The following SEPTIN7 variants were observed in gnomAD, a reference collection of about 807,000 sequenced individuals.
The protein encoded by SEPTIN7 is septin 7.
Under a neutral mutation model 63.3 loss-of-function variants are expected in SEPTIN7, and 10 were observed. That is an observed-to-expected ratio of 0.16 (90% CI 0.10 to 0.27). The LOEUF (loss-of-function observed/expected upper bound fraction) is 0.27, where lower values mean the gene tolerates loss of function less well. SEPTIN7 is among the 10% of genes least tolerant of loss of function. The pLI is 1.00. For missense variants in SEPTIN7, 310 were observed against 521.0 expected, an observed-to-expected ratio of 0.59 and a Z score of 3.94; for synonymous variants, 131 against 165.3, an observed-to-expected ratio of 0.79 and a Z score of 1.59.
chr7:35,848,602 T>C (rs1204972954), intron 3 of SEPTIN7, among the ~76,000 whole-genome samples: 1 of 152,180 alleles, frequency 6.6e-6, no homozygotes, highest in Non-Finnish European at 1.5e-5. Flanking sequence ...GGACAGCTCA[T>C]AGACTGTATT....
In SEPTIN7 at chr7:35,801,404, G is replaced by A. The variant is rs947012864; in HGVS notation, c.61+134G>A. The stretch of plus-strand genomic sequence containing the variant: ...AGCGGCGAGGGGAGCCGGGATGGGG[G>A]CCACTGCGGGCCCGGGGCGCGGCAG... On this transcript the variant is annotated intron_variant, in intron 1 of 13. Coordinates refer to ENST00000350320, the MANE Select transcript of SEPTIN7 (RefSeq NM_001788.6). 13 of 1,116,566 alleles carry A rather than the reference G, an allele frequency of 1.2e-5. No homozygotes were observed. The African/African-American group carries it at 1.7e-4, about 14-fold the overall frequency. 69.2% of individuals were successfully genotyped at this position (1,116,566 alleles called of 1,614,324 possible). A position where few individuals can be genotyped will look rare whatever the true frequency, so the allele number is the denominator to read the frequency against.
At chr7:35,836,018 G>T (rs1309824157) in intron 3 of SEPTIN7, among the ~76,000 whole-genome samples, 1 of 152,148 alleles carries the variant, frequency 6.6e-6, no homozygotes, top group Admixed American at 6.5e-5. Flanking sequence ...CTGACTTTAG[G>T]ATCTGACCCC....
At chr7:35,849,007 G>C (rs1002135561) in intron 3 of SEPTIN7, among the ~76,000 whole-genome samples, 9 of 152,184 alleles carry the variant, frequency 5.9e-5, no homozygotes, top group Admixed American at 2.0e-4. Flanking sequence ...CTATCCAGCA[G>C]AATTGTTAGT....
At chr7:35,869,359 C>T (rs545315843) in intron 4 of SEPTIN7, among the ~76,000 whole-genome samples, 1 of 152,074 alleles carries the variant, frequency 6.6e-6, no homozygotes, top group South Asian at 2.1e-4. Context: ...TTGTGGAACA[C>T]GATGAAACAT....
intron 12 of SEPTIN7, chr7:35,899,380 C>T (rs1359710370): frequency 1.3e-5 from 2 of 151,940 alleles, no homozygotes; most frequent in Non-Finnish European, 2.9e-5. Flanking sequence ...ATTAAAAATA[C>T]AAAAATTAGC....
rs145493891 is a variant in SEPTIN7 at position 35,879,130 on chromosome 7, G to C, written c.513-693G>C. ...GAAGTATTTAGTCACCTTCTTGAAA[G>C]TACAGAGGCAAACTGGAGGCAGCAG... On this transcript the variant is annotated intron_variant, in intron 6 of 13. Coordinates refer to ENST00000350320, the MANE Select transcript of SEPTIN7 (RefSeq NM_001788.6). Among the ~76,000 whole-genome samples, 90 of 152,270 alleles carry C rather than the reference G, an allele frequency of 5.9e-4. No individual in the cohort carries two copies. In the South Asian group the frequency reaches 7.9e-3, roughly 13 times the overall value.
intron 1 of SEPTIN7, chr7:35,803,248 T>A (rs1788114568): frequency 1.7e-6 from 1 of 581,754 alleles, no homozygotes; most frequent in African/African-American, 2.0e-5. Flanking sequence ...GTGATAAAAT[T>A]GGTTGTTCAG....
At chr7:35,832,924 A>C in intron 3 of SEPTIN7, 24 bp downstream of exon 3, 1 of 1,369,608 alleles carries the variant, frequency 7.3e-7, no homozygotes, top group Non-Finnish European at 1.0e-6. Context: ...TCTTACTAAA[A>C]TGGAACTTTG....
intron 1 of SEPTIN7, among the ~76,000 whole-genome samples, chr7:35,827,412 A>G (rs1783571868): frequency 6.6e-6 from 1 of 152,350 alleles, no homozygotes; most frequent in South Asian, 2.1e-4. Flanking sequence ...ATTACAGACT[A>G]TGGTTGATTT....
In SEPTIN7 at chr7:35,858,056, T is replaced by A. The variant is rs929224884; in HGVS notation, c.170-5496T>A. ...CTCCTGGTTCAGGCAGTTCTCTTGCTTCAGCCTCCTGAGTAGATGGGATTA... is the reference window on the plus strand; with the variant it reads ...CTCCTGGTTCAGGCAGTTCTCTTGCATCAGCCTCCTGAGTAGATGGGATTA... On this transcript the variant is annotated intron_variant, in intron 3 of 13. Coordinates refer to ENST00000350320, the MANE Select transcript of SEPTIN7 (RefSeq NM_001788.6). Among the ~76,000 whole-genome samples, 49 of 152,030 alleles carry A rather than the reference T, an allele frequency of 3.2e-4. 2 individuals carry two copies. The highest frequency in any genetic ancestry group is 2.4e-4 in the Non-Finnish European group (16 of 67,974).
chr7:35,801,717 G>A (rs1179162969), intron 1 of SEPTIN7, among the ~76,000 whole-genome samples: 2 of 152,148 alleles, frequency 1.3e-5, no homozygotes, highest in Non-Finnish European at 2.9e-5. Flanking sequence ...GGGGCAGTGG[G>A]CCTGGCTAGG....
At chr7:35,826,453 A>G (rs1783522218) in intron 1 of SEPTIN7, among the ~76,000 whole-genome samples, 1 of 151,160 alleles carries the variant, frequency 6.6e-6, no homozygotes, top group Non-Finnish European at 1.5e-5. Context: ...TATTTAGAAA[A>G]GATCAATGGC....
chr7:35,807,315 C>G (rs1379844524), intron 1 of SEPTIN7, among the ~76,000 whole-genome samples: 1 of 143,112 alleles, frequency 7.0e-6, no homozygotes, highest in African/African-American at 2.6e-5. Flanking sequence ...TCCCGAGTAG[C>G]TGGGATTACA....
intron 6 of SEPTIN7, among the ~76,000 whole-genome samples, chr7:35,878,715 G>C (rs944477686): frequency 4.6e-5 from 7 of 152,122 alleles, no homozygotes; most frequent in Non-Finnish European, 1.0e-4. Context: ...AGGAATCCTA[G>C]GTTTCACACT....
chr7:35,879,748 C>T (rs1230725748), intron 6 of SEPTIN7, 75 bp from the exon 7 acceptor site: 3 of 806,162 alleles, frequency 3.7e-6, no homozygotes, highest in Non-Finnish European at 6.4e-6. Context: ...TTGTATTTAA[C>T]TAGCATTGGG....
At chr7:35,836,500 T>C (rs562843064) in intron 3 of SEPTIN7, among the ~76,000 whole-genome samples, 8 of 152,336 alleles carry the variant, frequency 5.3e-5, no homozygotes, top group African/African-American at 1.9e-4. Flanking sequence ...ATGTCAATAA[T>C]GTATTTGACC....
At chr7:35,839,857 A>ATT (rs1033052759) in intron 3 of SEPTIN7, among the ~76,000 whole-genome samples, 4 of 152,116 alleles carry the variant, frequency 2.6e-5, no homozygotes, top group African/African-American at 9.6e-5. Flanking sequence ...CTGACCTGTA[A>ATT]TTTATTTTTT....
chr7:35,855,033 C>T (rs952263989), intron 3 of SEPTIN7, among the ~76,000 whole-genome samples: 1 of 152,086 alleles, frequency 6.6e-6, no homozygotes, highest in Non-Finnish European at 1.5e-5. Context: ...TTTTCTCTCA[C>T]CTGCATTTCC....
At position 35,830,042 on chromosome 7, in the gene SEPTIN7, C is replaced by T. The variant is rs142449752; in HGVS notation, c.62-1450C>T. Among the ~76,000 whole-genome samples the T allele has an allele frequency of 0.011, 1,652 of 151,802 alleles. 121 individuals carry two copies. The East Asian group carries it at 0.21, about 19-fold the overall frequency. On this transcript the variant is annotated intron_variant, in intron 1 of 13. Transcript: ENST00000350320. ...CTCTACTAAAAATACAAAAATTAGC[C>T]GGGTGTGGTGGCACATGCCTGTAAT...
Sources: gnomAD v4.1 joint callset for allele counts (sites outside exome capture counted in the v4.1 genomes callset) on GRCh38, gnomAD v4.1.1 for gene constraint, MANE v1.5 for transcripts, NCBI Gene and HGNC (gene_info 2026-07-23, HGNC 2026-07-21) for gene names.